Variants in TBL3 observed in about 807,000 individuals in gnomAD.
TBL3 encodes transducin beta-like protein 3.
Under a neutral mutation model 102.7 loss-of-function variants are expected in TBL3, and 71 were observed. That is an observed-to-expected ratio of 0.69 (90% confidence interval 0.57 to 0.84). The LOEUF (loss-of-function observed/expected upper bound fraction) is 0.84, where lower values mean the gene tolerates loss of function less well. TBL3 is among the 40% of genes least tolerant of loss of function. TBL3 has a pLI of 0.00. For missense variants in TBL3, 1,188 were observed against 1,098.5 expected (o/e 1.08, Z -1.15); for synonymous variants, 578 against 477.7 (o/e 1.21, Z -2.74).
Position 1,974,453 on chromosome 16 carries a change from G to A in TBL3, c.237+30G>A, listed in dbSNP as rs964180607. On this transcript the variant is annotated intron_variant, in intron 4 of 21. Coordinates refer to ENST00000568546, the MANE Select transcript of TBL3 (RefSeq NM_006453.3). Reference sequence around the variant, plus strand: ...GTGGGGCGGGGCCTGGAGGGGACCCGCTCCAGCGCCTCCCTCCCAGACTGA... The same window carrying A: ...GTGGGGCGGGGCCTGGAGGGGACCCACTCCAGCGCCTCCCTCCCAGACTGA... 1.2e-5 allele frequency: 19 copies of A among 1,593,952 alleles called. No individual in the cohort carries two copies. The African/African-American group carries it at 1.2e-4, about 10-fold the overall frequency.
Position 1,979,847 on chromosome 16 carries a change from G to C in TBL3, c.*1162G>C, listed in dbSNP as rs1298029198. 5 of 1,580,446 alleles carry C rather than the reference G, an allele frequency of 3.2e-6. No individual in the cohort carries two copies. The African/African-American group carries it at 4.0e-5, about 13-fold the overall frequency. On this transcript the variant is annotated 3_prime_UTR_variant, in exon 22 of 22. Coordinates refer to ENST00000568546, the MANE Select transcript of TBL3 (RefSeq NM_006453.3). ...CCTTGGCCCGGGGCCGCCTCCTCCA[G>C]GTAGGGCGCTGGAAACCAGGCGGTC...
chr16:1,974,669 G>A lies in TBL3; in HGVS notation c.369G>A (p.Leu123=). Residue 123 remains leucine, a synonymous_variant, in exon 5 of 22, where the codon CTG becomes CTA. Coordinates refer to ENST00000568546, the MANE Select transcript of TBL3 (RefSeq NM_006453.3). ...TGGCCTTCGACCCCACCTCCACTCT[G>A]CTAGCCACAGGTAGGGCCCTGCCGT... is the stretch of plus-strand genomic sequence containing the variant. ...ATMAFDPTST[L]LATGGCDGAV... 9 of 1,609,528 alleles carry A rather than the reference G, an allele frequency of 5.6e-6. No homozygotes were observed. Among genetic ancestry groups the A allele is most frequent in the Non-Finnish European group, 7.6e-6 (9 of 1,177,392 alleles).
Position 1,979,597 on chromosome 16 carries a change from C to CCGCA in TBL3, c.*914_*917dup, listed in dbSNP as rs1214977986. On this transcript the variant is annotated 3_prime_UTR_variant, in exon 22 of 22. Coordinates refer to ENST00000568546, the MANE Select transcript of TBL3 (RefSeq NM_006453.3). ...CGGGGCCACAGAGGACGAGGCCCGC[C>CCGCA]CGCACCCTTCTCCACATTCTCCTTG... The CCGCA allele has an allele frequency of 8.9e-6, 13 of 1,457,844 alleles. No individual in the cohort carries two copies. In the East Asian group the frequency reaches 3.0e-4, roughly 33 times the overall value. The allele number at this position is 1,457,844 out of a possible 1,614,324, so 90.3% of individuals were successfully genotyped here. A position where few individuals can be genotyped will look rare whatever the true frequency, so the allele number is the denominator to read the frequency against.
At position 1,979,848 on chromosome 16, in the gene TBL3, G is replaced by A. The variant is rs750953595; in HGVS notation, c.*1163G>A. On this transcript the variant is annotated 3_prime_UTR_variant, in exon 22 of 22. Transcript: ENST00000568546. ...CTTGGCCCGGGGCCGCCTCCTCCAG[G>A]TAGGGCGCTGGAAACCAGGCGGTCT... 23 of 1,580,446 alleles carry A rather than the reference G, an allele frequency of 1.5e-5. No homozygotes were observed. Among genetic ancestry groups the A allele is most frequent in the Non-Finnish European group, 1.9e-5 (22 of 1,164,578 alleles).
chr16:1,978,251 T>C, intron 20 of TBL3, 31 bp downstream of exon 20: 5 of 1,612,472 alleles, frequency 3.1e-6, no homozygotes, highest in Non-Finnish European at 4.2e-6. Flanking sequence ...GGTGGCCCGG[T>C]GGGCAAGGGC....
Position 1,979,291 on chromosome 16 carries a change from C to T in TBL3, c.*606C>T, listed in dbSNP as rs761905522. ...CGGAACCCCGTCCCGCTCAGGAGAG[C>T]GCCCAGCCCTTCCGGCCGCAGCAGC... On this transcript the variant is annotated 3_prime_UTR_variant, in exon 22 of 22. Transcript: ENST00000568546. The T allele has an allele frequency of 1.4e-5, 22 of 1,560,632 alleles. No individual in the cohort carries two copies. The highest frequency in any genetic ancestry group is 2.7e-5 in the African/African-American group (2 of 73,348).
chr16:1,978,122 C>A, intron 19 of TBL3, 27 bp from the exon 20 acceptor site: 1 of 1,611,886 alleles, frequency 6.2e-7, no homozygotes, highest in Non-Finnish European at 8.5e-7. Context: ...TCTGCTTTCC[C>A]CAGCTCAGCC....
chr16:1,979,633 C>T lies in TBL3; in HGVS notation c.*948C>T. 2 of 1,330,424 alleles carry T rather than the reference C, an allele frequency of 1.5e-6. No homozygotes were observed. The highest frequency in any genetic ancestry group is 2.3e-5 in the East Asian group (1 of 42,568). The allele number at this position is 1,330,424 out of a possible 1,614,324, so 82.4% of individuals were successfully genotyped here. On this transcript the variant is annotated 3_prime_UTR_variant, in exon 22 of 22. Coordinates refer to ENST00000568546, the MANE Select transcript of TBL3 (RefSeq NM_006453.3). ...TCCACATTCTCCTTGCTTGAGTCTG[C>T]TGACGGCGGGGCCGCTCTAAGACCG...
chr16:1,980,657 G>C lies in TBL3; in HGVS notation c.*1972G>C, dbSNP rs564745855. On this transcript the variant is annotated 3_prime_UTR_variant, in exon 22 of 22. Transcript: ENST00000568546. ...CTCCCGTACCCAGGCTGGCCTGACC[G>C]AGAAGCTTTGGGAGAACGCGGTCAG... 2 of 1,605,490 alleles carry C rather than the reference G, an allele frequency of 1.2e-6. No individual in the cohort carries two copies. The highest frequency in any genetic ancestry group is 1.7e-5 in the Admixed American group (1 of 59,088).
chr16:1,979,624 T>A lies in TBL3; in HGVS notation c.*939T>A. On this transcript the variant is annotated 3_prime_UTR_variant, in exon 22 of 22. Transcript: ENST00000568546. ...GCACCCTTCTCCACATTCTCCTTGCTTGAGTCTGCTGACGGCGGGGCCGCT... is the reference window on the plus strand; with the variant it reads ...GCACCCTTCTCCACATTCTCCTTGCATGAGTCTGCTGACGGCGGGGCCGCT... The A allele has an allele frequency of 7.3e-7, 1 of 1,364,310 alleles. No individual in the cohort carries two copies. Among genetic ancestry groups the A allele is most frequent in the Non-Finnish European group, 1.0e-6 (1 of 979,554 alleles). The allele number at this position is 1,364,310 out of a possible 1,614,324, so 84.5% of individuals were successfully genotyped here. A position where few individuals can be genotyped will look rare whatever the true frequency, so the allele number is the denominator to read the frequency against.
rs149415163 is a variant in TBL3, at chr16:1,976,324, C to T, written c.1292+10C>T. 3.0e-5 allele frequency: 49 copies of T among 1,608,844 alleles called. No homozygotes were observed. The highest frequency in any genetic ancestry group is 1.0e-4 in the Admixed American group (6 of 59,496). ...CCGTCTGCTGCTCTAGGTAGTGAGT[C>T]GGGGCTGGGCCCAGGGGTGTCAGGG... is the stretch of plus-strand genomic sequence containing the variant. On this transcript the variant is annotated intron_variant, in intron 13 of 21. Coordinates refer to ENST00000568546, the MANE Select transcript of TBL3 (RefSeq NM_006453.3).
chr16:1,980,670 A>G lies in TBL3; in HGVS notation c.*1985A>G, dbSNP rs982358801. The G allele has an allele frequency of 1.2e-6, 2 of 1,606,980 alleles. No homozygotes were observed. Among genetic ancestry groups the G allele is most frequent in the Non-Finnish European group, 1.7e-6 (2 of 1,177,068 alleles). On this transcript the variant is annotated 3_prime_UTR_variant, in exon 22 of 22. Coordinates refer to ENST00000568546, the MANE Select transcript of TBL3 (RefSeq NM_006453.3). ...GCTGGCCTGACCGAGAAGCTTTGGG[A>G]GAACGCGGTCAGATCTCCGCAGCAG...
intron 18 of TBL3, 50 bp from the exon 19 acceptor site, chr16:1,977,908 C>T: frequency 3.5e-5 from 55 of 1,593,196 alleles, no homozygotes; most frequent in Non-Finnish European, 4.7e-5. Flanking sequence ...ATGGCTCTGC[C>T]TGCAGCCCCA....
rs117434869 is a variant in TBL3, at chr16:1,975,168, G to A, written c.636-19G>A. 378 of 1,613,726 alleles carry A rather than the reference G, an allele frequency of 2.3e-4. 3 individuals carry two copies. The East Asian group carries it at 7.9e-3, about 34-fold the overall frequency. On this transcript the variant is annotated intron_variant, in intron 7 of 21. Transcript: ENST00000568546. Reference sequence around the variant, plus strand: ...GGCTGAGGCTAAGACTTGACCTGAGGTTGCCGTTGCTCCTTCAGCTCCGGC... The same window carrying A: ...GGCTGAGGCTAAGACTTGACCTGAGATTGCCGTTGCTCCTTCAGCTCCGGC...
Position 1,978,538 on chromosome 16 carries a change from C to A in TBL3, c.2294-14C>A. 6.3e-7 allele frequency: 1 copy of A among 1,599,480 alleles called. No individual in the cohort carries two copies. The highest frequency in any genetic ancestry group is 8.5e-7 in the Non-Finnish European group (1 of 1,170,612). On this transcript the variant is annotated splice_polypyrimidine_tract_variant and intron_variant, in intron 21 of 21. Coordinates refer to ENST00000568546, the MANE Select transcript of TBL3 (RefSeq NM_006453.3). ...TGTGGACCACCCCCCTGACCTCCCT[C>A]TGTCCAACCCCAGAGCGGCACTTTC... is the stretch of plus-strand genomic sequence containing the variant.
In TBL3 at chr16:1,972,139, T is replaced by C; in HGVS notation, c.-26T>C. 6.8e-7 allele frequency: 1 copy of C among 1,471,372 alleles called. No individual in the cohort carries two copies. Among genetic ancestry groups the C allele is most frequent in the Non-Finnish European group, 9.0e-7 (1 of 1,109,202 alleles). 91.1% of individuals were successfully genotyped at this position (1,471,372 alleles called of 1,614,324 possible). ...GTGGCTGCCGGGACCCTAGCAGGTTTCAGCTGGAGCGGCGGCGGCGGCAAC... is the reference window on the plus strand; with the variant it reads ...GTGGCTGCCGGGACCCTAGCAGGTTCCAGCTGGAGCGGCGGCGGCGGCAAC... On this transcript the variant is annotated 5_prime_UTR_variant, in exon 1 of 22. Coordinates refer to ENST00000568546, the MANE Select transcript of TBL3 (RefSeq NM_006453.3).
rs1408209405 is a variant in TBL3 at position 1,980,177 on chromosome 16, C to A, written c.*1492C>A. ...TGCTCCTCTGGGGTGGGCAGGATCA[C>A]CCGGCTGGGAAGGGCAGCCCGTACG... On this transcript the variant is annotated 3_prime_UTR_variant, in exon 22 of 22. Transcript: ENST00000568546. 15 of 1,598,642 alleles carry A rather than the reference C, an allele frequency of 9.4e-6. No homozygotes were observed. The highest frequency in any genetic ancestry group is 3.5e-5 in the Admixed American group (2 of 57,830).
At position 1,974,210 on chromosome 16, in the gene TBL3, G is replaced by T. The variant is rs574502007; in HGVS notation, c.107G>T (p.Gly36Val). 5 of 1,598,434 alleles carry T rather than the reference G, an allele frequency of 3.1e-6. No individual in the cohort carries two copies. The South Asian group carries it at 4.5e-5, about 14-fold the overall frequency. ...KGGKAQLDQTGQHLFCVCGTR... is the reference protein window; with the variant it reads ...KGGKAQLDQTVQHLFCVCGTR... ...CTCTGTCCCCAGCTGGACCAGACTG[G>T]CCAGCACCTCTTCTGCGTCTGTGGC... Residue 36 changes from glycine to valine, a missense_variant, in exon 3 of 22, where the codon GGC becomes GTC. By Grantham distance (109) the Gly-to-Val change is moderately radical. Transcript: ENST00000568546.
chr16:1,978,302 G>T lies in TBL3; in HGVS notation c.2135-11G>T, dbSNP rs1456153347. 1 of 1,609,846 alleles carries T rather than the reference G, an allele frequency of 6.2e-7. No individual in the cohort carries two copies. The highest frequency in any genetic ancestry group is 8.5e-7 in the Non-Finnish European group (1 of 1,178,164). On this transcript the variant is annotated splice_polypyrimidine_tract_variant and intron_variant, in intron 20 of 21. Transcript: ENST00000568546. ...GGCTGGGCAAGACGATGAGGGTCCT[G>T]TTGCCCACAGAGGCCCTGCTGCGCT...
Sources: allele counts gnomAD v4.1 joint callset, GRCh38; gene constraint gnomAD v4.1.1; transcripts MANE v1.5; gene names NCBI Gene and HGNC (gene_info 2026-07-23, HGNC 2026-07-21).